The following RGS10 variants were observed in gnomAD, a reference collection of about 807,000 sequenced individuals.
RGS10 encodes the protein regulator of G protein signaling 10, also known as regulator of G-protein signalling 10.
Under a neutral mutation model 23.5 loss-of-function variants are expected in RGS10, and 11 were observed. The ratio of observed to expected loss-of-function variants is 0.47; its 90% CI spans 0.29 to 0.77. The LOEUF (loss-of-function observed/expected upper bound fraction) is 0.77. RGS10 is among the 30% of genes least tolerant of loss of function. The pLI is 0.08. For synonymous variants in RGS10, 77 were observed against 83.2 expected (o/e 0.92, Z 0.41); for missense variants, 180 against 226.3 (o/e 0.80, Z 1.31).
chr10:119,536,454 G>A (rs377528437), intron 1 of RGS10: 25 of 1,612,478 alleles, frequency 1.6e-5, no homozygotes, highest in East Asian at 2.2e-5. Context: ...GGGTGGGGGC[G>A]ATTCCTTACG....
chr10:119,542,301 G>C lies in RGS10; in HGVS notation c.49+289C>G, dbSNP rs931957820. Among the ~76,000 whole-genome samples, 5 of 152,224 alleles carry C rather than the reference G, an allele frequency of 3.3e-5. No individual in the cohort carries two copies. The South Asian group carries it at 1.0e-3, about 32-fold the overall frequency. On this transcript the variant is annotated intron_variant, in intron 1 of 4. Transcript: ENST00000369103. ...GAGCCCCATGTCACCTCCAAAGTTT[G>C]GAGATTTGGGGCGCTCCTTTTTCTC...
At chr10:119,507,087 C>T (rs963044515) in intron 4 of RGS10, among the ~76,000 whole-genome samples, 3 of 152,278 alleles carry the variant, frequency 2.0e-5, no homozygotes, top group South Asian at 2.1e-4. Context: ...CAGATGGCTA[C>T]GGTGTACACA....
At chr10:119,520,426 A>C (rs2133953112) in intron 3 of RGS10, among the ~76,000 whole-genome samples, 1 of 152,240 alleles carries the variant, frequency 6.6e-6, no homozygotes, top group Admixed American at 6.5e-5. Context: ...GGCGGCAGAA[A>C]GAAGCCATCA....
chr10:119,542,534 C>G lies in RGS10; in HGVS notation c.49+56G>C, dbSNP rs538833760. ...GAGCACAAGAGGGAGGGCAGGAGGC[C>G]GGGCGGGCGAAACGGCGCCCCGACC... On this transcript the variant is annotated intron_variant, in intron 1 of 4. Coordinates refer to ENST00000369103, the MANE Select transcript of RGS10 (RefSeq NM_001005339.2). 6.3e-4 allele frequency: 847 copies of G among 1,350,372 alleles called. 3 individuals carry two copies. Among genetic ancestry groups the G allele is most frequent in the Middle Eastern group, 6.0e-3 (22 of 3,694 alleles). 83.6% of individuals were successfully genotyped at this position (1,350,372 alleles called of 1,614,324 possible). A position where few individuals can be genotyped will look rare whatever the true frequency, so the allele number is the denominator to read the frequency against.
intron 4 of RGS10, among the ~76,000 whole-genome samples, chr10:119,509,218 C>T (rs965344412): frequency 1.3e-5 from 2 of 151,748 alleles, no homozygotes; most frequent in Non-Finnish European, 2.9e-5. Context: ...TTATTATAAC[C>T]TCCACTTCAC....
At chr10:119,536,432 G>A (rs773424007) in intron 1 of RGS10, 116 of 1,606,448 alleles carry the variant, frequency 7.2e-5, no homozygotes, top group Non-Finnish European at 7.2e-5. Context: ...GGCAAACTGC[G>A]GACATGGAAA....
In RGS10 at chr10:119,500,169, C is replaced by T. The variant is rs752121651; in HGVS notation, c.490G>A (p.Asp164Asn). Residue 164 changes from aspartate to asparagine, a missense_variant, in exon 5 of 5, where the codon GAT (aspartate) becomes AAT (asparagine). Transcript: ENST00000369103. ...KHKRTEEEEE[D>N]LPDAQTAAKR... The stretch of plus-strand genomic sequence containing the variant: ...GCTGCAGTTTGAGCATCAGGCAAAT[C>T]TTCTTCCTCTTCCTCGGTTCGCTTG... 9 of 1,609,938 alleles carry T rather than the reference C, an allele frequency of 5.6e-6. No homozygotes were observed. The highest frequency in any genetic ancestry group is 7.6e-6 in the Non-Finnish European group (9 of 1,179,992).
chr10:119,507,385 G>A (rs112799027), intron 4 of RGS10, among the ~76,000 whole-genome samples: 2,816 of 152,098 alleles, frequency 0.019, 38 homozygotes, highest in Non-Finnish European at 0.032. Flanking sequence ...GCCACAGGCC[G>A]GACAGCCCCT....
At chr10:119,518,358 G>A (rs930639520) in intron 3 of RGS10, among the ~76,000 whole-genome samples, 2 of 152,178 alleles carry the variant, frequency 1.3e-5, no homozygotes. Flanking sequence ...GGACTGCCCA[G>A]GAAGCACCTG....
At chr10:119,503,619 C>T (rs1217445273) in intron 4 of RGS10, among the ~76,000 whole-genome samples, 1 of 152,178 alleles carries the variant, frequency 6.6e-6, no homozygotes. Flanking sequence ...CTCCAGCGCT[C>T]TGAAGACCCC....
intron 1 of RGS10, among the ~76,000 whole-genome samples, chr10:119,532,015 C>T (rs1165860875): frequency 6.6e-6 from 1 of 152,150 alleles, no homozygotes; most frequent in Non-Finnish European, 1.5e-5. Context: ...AGATAAAGAG[C>T]AATTCCTTCT....
chr10:119,500,803 TC>T (rs1315577145), intron 4 of RGS10, among the ~76,000 whole-genome samples: 1 of 151,388 alleles, frequency 6.6e-6, no homozygotes, highest in Non-Finnish European at 1.5e-5. Context: ...AAAACTATAA[TC>T]TTAGCAAGGG....
intron 4 of RGS10, among the ~76,000 whole-genome samples, chr10:119,505,322 CTTTTTTT>C (rs11317053): frequency 3.3e-5 from 3 of 90,074 alleles, no homozygotes; most frequent in Non-Finnish European, 4.1e-5. Context: ...CATTCTGCAT[CTTTTTTT>C]TTTTTTTTTT....
At chr10:119,505,778 A>G (rs905113997) in intron 4 of RGS10, among the ~76,000 whole-genome samples, 1 of 152,182 alleles carries the variant, frequency 6.6e-6, no homozygotes, top group African/African-American at 2.4e-5. Context: ...GTCTCCATTC[A>G]TTGCGTTTCA....
rs1203876501 is a variant in RGS10 at position 119,530,696 on chromosome 10, G to T, written c.50-3272C>A. Among the ~76,000 whole-genome samples, 4 of 152,206 alleles carry T rather than the reference G, an allele frequency of 2.6e-5. No homozygotes were observed. The South Asian group carries it at 8.3e-4, about 31-fold the overall frequency. The stretch of plus-strand genomic sequence containing the variant: ...AAAACTTAGCTGGGCATAGTGGCAT[G>T]TGCCTTTAGTCCCAGCTATTTGACA... On this transcript the variant is annotated intron_variant, in intron 1 of 4. Transcript: ENST00000369103.
chr10:119,500,459 T>C (rs1843940340), intron 4 of RGS10, among the ~76,000 whole-genome samples, 200 bp from the exon 5 acceptor site: 1 of 152,148 alleles, frequency 6.6e-6, no homozygotes, highest in African/African-American at 2.4e-5. Flanking sequence ...ATAATCTCAA[T>C]GGAATATATA....
At chr10:119,507,571 AC>A (rs958104750) in intron 4 of RGS10, among the ~76,000 whole-genome samples, 11 of 125,232 alleles carry the variant, frequency 8.8e-5, no homozygotes, top group African/African-American at 3.4e-4. Flanking sequence ...CTAGCATCTC[AC>A]CCAAGGCTTT....
chr10:119,523,993 G>A (rs969720639), intron 3 of RGS10, among the ~76,000 whole-genome samples: 6 of 151,894 alleles, frequency 4.0e-5, no homozygotes, highest in Non-Finnish European at 7.4e-5. Context: ...AGCTCTTGTC[G>A]CCAGCCCTGC....
chr10:119,504,433 C>T (rs1843987037), intron 4 of RGS10, among the ~76,000 whole-genome samples: 1 of 152,202 alleles, frequency 6.6e-6, no homozygotes, highest in African/African-American at 2.4e-5. Flanking sequence ...TCCTAGGCCT[C>T]CCAAAGTGCC....
Sources: gnomAD v4.1 joint callset for allele counts (sites outside exome capture counted in the v4.1 genomes callset) on GRCh38, gnomAD v4.1.1 for gene constraint, MANE v1.5 for transcripts, NCBI Gene and HGNC (gene_info 2026-07-23, HGNC 2026-07-21) for gene names.